Variants in BLTP1 observed in about 807,000 individuals in gnomAD.
The protein encoded by BLTP1 is bridge-like lipid transfer protein family member 1, also known as fragile site-associated protein.
chr4:122,251,483 T>A, the BLTP1 span: 128 of 943,104 alleles, frequency 1.4e-4, 1 homozygote, highest in South Asian at 4.1e-3. Flanking sequence ...TTAATGAGTT[T>A]AATCACAGTT....
chr4:122,333,687 T>C, the BLTP1 span: 1 of 1,611,710 alleles, frequency 6.2e-7, no homozygotes, highest in Non-Finnish European at 8.5e-7. Context: ...AAAGAAGAAG[T>C]TTCAAACTAA....
chr4:122,230,911 C>G, the BLTP1 span, among the ~76,000 whole-genome samples: 2 of 152,006 alleles, frequency 1.3e-5, no homozygotes, highest in African/African-American at 4.8e-5. Context: ...TTGAAATCAT[C>G]CTGTATATAC....
At chr4:122,323,148 TC>T in the BLTP1 span, among the ~76,000 whole-genome samples, 1 of 152,144 alleles carries the variant, frequency 6.6e-6, no homozygotes, top group East Asian at 1.9e-4. Context: ...CAGTGTTGGT[TC>T]CTGCAGCAGT....
chr4:122,177,410 G>A, the BLTP1 span, among the ~76,000 whole-genome samples: 1 of 152,030 alleles, frequency 6.6e-6, no homozygotes, highest in Non-Finnish European at 1.5e-5. Context: ...TCCTCAACCT[G>A]CTCTTAATAC....
the BLTP1 span, chr4:122,179,886 C>G: frequency 1.0e-6 from 1 of 985,252 alleles, no homozygotes; most frequent in African/African-American, 1.7e-5. Flanking sequence ...CTCCCTGCCC[C>G]CCACATACAG....
chr4:122,294,335 ACCT>A, the BLTP1 span, among the ~76,000 whole-genome samples: 5 of 151,878 alleles, frequency 3.3e-5, no homozygotes, highest in Non-Finnish European at 7.4e-5. Flanking sequence ...GTCTCCAGAC[ACCT>A]CCTGTAGGAG....
the BLTP1 span, chr4:122,350,118 TA>T: frequency 6.4e-7 from 1 of 1,570,440 alleles, no homozygotes; most frequent in Non-Finnish European, 8.6e-7. Flanking sequence ...TATCTTTCAC[TA>T]AATATGTTAC....
chr4:122,265,983 C>T, the BLTP1 span, among the ~76,000 whole-genome samples: 1 of 152,158 alleles, frequency 6.6e-6, no homozygotes, highest in Admixed American at 6.5e-5. Flanking sequence ...CATGAGCCAC[C>T]GTGCCCGGCC....
At chr4:122,359,960 C>T in the BLTP1 span, 2 of 985,238 alleles carry the variant, frequency 2.0e-6, no homozygotes, top group South Asian at 4.7e-5. Flanking sequence ...CAATGGGTGA[C>T]ATTACTAAAA....
At chr4:122,167,951 A>G in the BLTP1 span, 2 of 940,480 alleles carry the variant, frequency 2.1e-6, no homozygotes, top group Non-Finnish European at 2.5e-6. Context: ...GTCTCTCACT[A>G]TTAAGGAATT....
chr4:122,346,516 G>T, the BLTP1 span: 1 of 1,445,992 alleles, frequency 6.9e-7, no homozygotes, highest in African/African-American at 1.4e-5. Context: ...ATCATAATAT[G>T]TAACTTAAGT....
the BLTP1 span, among the ~76,000 whole-genome samples, chr4:122,194,291 A>G: frequency 6.6e-6 from 1 of 152,228 alleles, no homozygotes; most frequent in Non-Finnish European, 1.5e-5. Context: ...TATATGGTAA[A>G]TGAATAAGCT....
the BLTP1 span, chr4:122,249,320 A>G: frequency 5.4e-6 from 4 of 739,708 alleles, no homozygotes; most frequent in Admixed American, 2.5e-4. Context: ...CCTCTTAGGC[A>G]GCATTATTCT....
At chr4:122,254,481 T>TA in the BLTP1 span, 1 of 1,309,510 alleles carries the variant, frequency 7.6e-7, no homozygotes. Flanking sequence ...TCATCATTCT[T>TA]ACTTCATATG....
chr4:122,176,301 T>C, the BLTP1 span, among the ~76,000 whole-genome samples: 4 of 147,948 alleles, frequency 2.7e-5, no homozygotes, highest in Non-Finnish European at 5.9e-5. Flanking sequence ...ATACTCTGTC[T>C]CAAAAAAAAA....
At chr4:122,249,485 A>G in the BLTP1 span, 1 of 1,611,556 alleles carries the variant, frequency 6.2e-7, no homozygotes. Context: ...TTGATAATAG[A>G]CATTGGGACC....
At chr4:122,234,735 ATGT>A in the BLTP1 span, 12 of 1,536,182 alleles carry the variant, frequency 7.8e-6, no homozygotes, top group Admixed American at 2.2e-5. Context: ...GATTTTTTTT[ATGT>A]TGTTGTTTTT....
At chr4:122,306,788 G>C in the BLTP1 span, 1 of 543,614 alleles carries the variant, frequency 1.8e-6, no homozygotes, top group South Asian at 8.2e-5. Flanking sequence ...AATTAATGTG[G>C]ATTGGGCAAA....
the BLTP1 span, among the ~76,000 whole-genome samples, chr4:122,215,780 C>T: frequency 6.6e-6 from 1 of 152,090 alleles, no homozygotes; most frequent in Non-Finnish European, 1.5e-5. Context: ...GATTTTGCTG[C>T]ACCCGTCACC....
Sources: allele counts gnomAD v4.1 joint callset (sites outside exome capture counted in the v4.1 genomes callset), GRCh38; gene constraint gnomAD v4.1.1; transcripts MANE v1.5; gene names NCBI Gene and HGNC (gene_info 2026-07-23, HGNC 2026-07-21).